FBXL20: variants seen among roughly 807,000 people sequenced by gnomAD.
FBXL20 encodes the protein F-box and leucine rich repeat protein 20.
A neutral mutation model predicts 64.0 loss-of-function variants in FBXL20; 11 were observed. That is an observed-to-expected ratio of 0.17 (90% CI 0.11 to 0.28). The LOEUF is 0.28. Among genes scored for constraint, FBXL20 ranks in the 10% least tolerant of loss-of-function variants. The probability of loss-of-function intolerance (pLI) is 1.00; values close to 1 mark genes in which losing one functional copy is unlikely to be tolerated. For synonymous variants in FBXL20, 184 were observed against 189.0 expected, an observed-to-expected ratio of 0.97 and a Z score of 0.22; for missense variants, 303 against 526.2, an observed-to-expected ratio of 0.58 and a Z score of 4.15.
intron 6 of FBXL20, among the ~76,000 whole-genome samples, chr17:39,293,040 A>G (rs1397472984): frequency 6.6e-6 from 1 of 151,736 alleles, no homozygotes; most frequent in African/African-American, 2.4e-5. Flanking sequence ...TGATCCGCCC[A>G]CCTTGGCCTC....
chr17:39,298,534 C>T (rs778767716), intron 5 of FBXL20, among the ~76,000 whole-genome samples: 4 of 152,016 alleles, frequency 2.6e-5, no homozygotes, highest in Non-Finnish European at 4.4e-5. Context: ...GCCTGGACAA[C>T]AAAATGAGAC....
intron 1 of FBXL20, among the ~76,000 whole-genome samples, chr17:39,369,307 G>C (rs372213053): frequency 8.9e-5 from 13 of 146,462 alleles, no homozygotes; most frequent in East Asian, 5.9e-4. Context: ...GCTGAGGCTG[G>C]AGTGCAGTGG....
At chr17:39,309,493 T>TACTGGC (rs1186397231) in intron 2 of FBXL20, among the ~76,000 whole-genome samples, 1 of 152,196 alleles carries the variant, frequency 6.6e-6, no homozygotes, top group Non-Finnish European at 1.5e-5. Flanking sequence ...CTGCTGTTTG[T>TACTGGC]CTATTATTTT....
In FBXL20 at chr17:39,282,745, A is replaced by G. The variant is rs755745714; in HGVS notation, c.605T>C (p.Leu202Ser). Residue 202 changes from leucine to serine, a missense_variant, in exon 8 of 15, where the codon TTA becomes TCA. Around this residue, in one of 3 missense-constraint regions of FBXL20, gnomAD observed 246 missense variants for 422.6 expected, o/e 0.58. Coordinates refer to ENST00000264658, the MANE Select transcript of FBXL20 (RefSeq NM_032875.3). ...RGCGGLKALFLKGCTQLEDEA... is the reference protein window; with the variant it reads ...RGCGGLKALFSKGCTQLEDEA... ...GAGTATTACCTGCGTGCAGCCTTTT[A>G]AGAATAAGGCCTTGAGACCCCCACA... is the stretch of plus-strand genomic sequence containing the variant. 1 of 1,614,134 alleles carries G rather than the reference A, an allele frequency of 6.2e-7. No individual in the cohort carries two copies. Among genetic ancestry groups the G allele is most frequent in the Admixed American group, 1.7e-5 (1 of 60,010 alleles).
At chr17:39,397,373 C>T (rs1322523603) in intron 1 of FBXL20, among the ~76,000 whole-genome samples, 1 of 152,194 alleles carries the variant, frequency 6.6e-6, no homozygotes, top group Non-Finnish European at 1.5e-5. Context: ...ATATCACTTT[C>T]TAACTTATGG....
chr17:39,344,144 G>A (rs1243295568), intron 1 of FBXL20, among the ~76,000 whole-genome samples: 1 of 152,160 alleles, frequency 6.6e-6, no homozygotes, highest in Non-Finnish European at 1.5e-5. Flanking sequence ...TTGCAGGCAT[G>A]AGCCACCATA....
At chr17:39,286,659 G>A (rs1392004186) in intron 6 of FBXL20, among the ~76,000 whole-genome samples, 7 of 151,998 alleles carry the variant, frequency 4.6e-5, no homozygotes, top group Non-Finnish European at 5.9e-5. Context: ...TTAGCTGAGC[G>A]TGGTGGCACA....
At position 39,261,096 on chromosome 17, in the gene FBXL20, C is replaced by T. The variant is rs146242741; in HGVS notation, c.*364G>A. ...ACAGCAGATGCTGTTCTAAAATCCC[C>T]AAAGAAACCCCTAGACAAAAATTTA... On this transcript the variant is annotated 3_prime_UTR_variant, in exon 15 of 15. Transcript: ENST00000264658. 548 of 208,712 alleles carry T rather than the reference C, an allele frequency of 2.6e-3. No individual in the cohort carries two copies. The highest frequency in any genetic ancestry group is 0.012 in the African/African-American group (493 of 42,152). The allele number at this position is 208,712 out of a possible 1,614,324, so 12.9% of individuals were successfully genotyped here. A position where few individuals can be genotyped will look rare whatever the true frequency, so the allele number is the denominator to read the frequency against.
intron 1 of FBXL20, among the ~76,000 whole-genome samples, chr17:39,364,841 T>A (rs1290883796): frequency 6.6e-6 from 1 of 152,124 alleles, no homozygotes; most frequent in Non-Finnish European, 1.5e-5. Context: ...TAAGCCCCAC[T>A]CAAGTCACCA....
chr17:39,295,421 C>T (rs539040256), intron 6 of FBXL20, among the ~76,000 whole-genome samples: 2 of 152,136 alleles, frequency 1.3e-5, no homozygotes, highest in East Asian at 3.9e-4. Flanking sequence ...CCATGCCTGG[C>T]TAATTTTTGC....
At chr17:39,280,064 C>T (rs566988515) in intron 9 of FBXL20, among the ~76,000 whole-genome samples, 2 of 152,028 alleles carry the variant, frequency 1.3e-5, no homozygotes, top group South Asian at 2.1e-4. Context: ...GAAACCCCAT[C>T]CCTACTAAAA....
chr17:39,271,144 A>G (rs1330336553), intron 10 of FBXL20, among the ~76,000 whole-genome samples: 1 of 152,224 alleles, frequency 6.6e-6, no homozygotes, highest in Non-Finnish European at 1.5e-5. Flanking sequence ...GAAATGCATT[A>G]AAAGCCTTCT....
At chr17:39,365,219 A>G (rs2047847958) in intron 1 of FBXL20, among the ~76,000 whole-genome samples, 1 of 152,206 alleles carries the variant, frequency 6.6e-6, no homozygotes, top group Non-Finnish European at 1.5e-5. Context: ...ATTTTTACTG[A>G]TTATGCCATT....
At chr17:39,324,384 G>T (rs948121941) in intron 2 of FBXL20, among the ~76,000 whole-genome samples, 12 of 149,848 alleles carry the variant, frequency 8.0e-5, no homozygotes, top group Non-Finnish European at 1.5e-4. Context: ...CACCTCCCAG[G>T]TTCAAGCGAT....
intron 2 of FBXL20, among the ~76,000 whole-genome samples, chr17:39,336,126 G>A (rs533376625): frequency 3.2e-4 from 49 of 151,996 alleles, no homozygotes; most frequent in African/African-American, 1.1e-3. Flanking sequence ...GGGGGGAGGG[G>A]AGGGGAAGGG....
At chr17:39,290,718 C>T (rs1362659477) in intron 6 of FBXL20, among the ~76,000 whole-genome samples, 1 of 151,998 alleles carries the variant, frequency 6.6e-6, no homozygotes, top group African/African-American at 2.4e-5. Flanking sequence ...TGTGCGCCAC[C>T]ATGCCCAACT....
At chr17:39,302,374 C>CT (rs35716617) in intron 3 of FBXL20, among the ~76,000 whole-genome samples, 28,866 of 129,894 alleles carry the variant, frequency 0.22, 4,104 homozygotes, top group African/African-American at 0.38. Flanking sequence ...CCGCATTTGG[C>CT]TTTTTTTTTT....
chr17:39,296,335 C>T lies in FBXL20; in HGVS notation c.398+792G>A, dbSNP rs187869021. Among the ~76,000 whole-genome samples, 972 of 151,820 alleles carry T rather than the reference C, an allele frequency of 6.4e-3. 17 individuals carry two copies. Among genetic ancestry groups the T allele is most frequent in the African/African-American group, 0.022 (924 of 41,428 alleles). On this transcript the variant is annotated intron_variant, in intron 6 of 14. Transcript: ENST00000264658. ...CAGCACTTTGGGAGGCCGAAGTGGGCGGATCACGAGGTCAGGAGATCGAGA... is the reference window on the plus strand; with the variant it reads ...CAGCACTTTGGGAGGCCGAAGTGGGTGGATCACGAGGTCAGGAGATCGAGA...
chr17:39,342,683 C>T (rs987049531), intron 2 of FBXL20, among the ~76,000 whole-genome samples: 1 of 152,040 alleles, frequency 6.6e-6, no homozygotes. Context: ...CGCCACTGCA[C>T]TCCAGCCTGG....
Sources: allele counts gnomAD v4.1 joint callset (sites outside exome capture counted in the v4.1 genomes callset), GRCh38; gene constraint gnomAD v4.1.1; regional missense constraint gnomAD v4.1.1; transcripts MANE v1.5; gene names NCBI Gene and HGNC (gene_info 2026-07-23, HGNC 2026-07-21).